Variants in CAST observed in about 807,000 individuals in gnomAD.
The protein encoded by CAST is MIR583 host.
In CAST, 76 loss-of-function variants were observed where a neutral mutation model predicts 119.6. That is an observed-to-expected ratio of 0.64 (90% confidence interval 0.53 to 0.77). The LOEUF (loss-of-function observed/expected upper bound fraction) is 0.77. Among genes scored for constraint, CAST ranks in the 30% least tolerant of loss-of-function variants. The pLI is 0.00. For synonymous variants in CAST, 319 were observed against 331.6 expected, an observed-to-expected ratio of 0.96 and a Z score of 0.41; for missense variants, 953 against 946.5, an observed-to-expected ratio of 1.01 and a Z score of -0.09.
At chr5:96,575,652 T>C (rs539444221) in intron 1 of CAST, among the ~76,000 whole-genome samples, 24 of 152,020 alleles carry the variant, frequency 1.6e-4, no homozygotes, top group Non-Finnish European at 3.2e-4. Context: ...TTTTTTGTTT[T>C]TTTTTTTTAA....
intron 25 of CAST, chr5:96,763,355 T>A: frequency 1.4e-6 from 1 of 708,906 alleles, no homozygotes; most frequent in Non-Finnish European, 2.6e-6. Flanking sequence ...TGTGTGTGTA[T>A]GTGCATGTGC....
chr5:96,523,756 C>T (rs911598868), upstream of CAST, among the ~76,000 whole-genome samples: 3 of 152,220 alleles, frequency 2.0e-5, no homozygotes, highest in African/African-American at 4.8e-5. Flanking sequence ...CTGTTGGAGC[C>T]GTGGGCACTG....
At chr5:96,584,592 T>TA (rs2150190081) in intron 1 of CAST, 1 of 152,228 alleles carries the variant, frequency 6.6e-6, no homozygotes, top group East Asian at 1.9e-4. Context: ...AAGTTGGTGT[T>TA]AGAGGTCTGA....
the CAST span, among the ~76,000 whole-genome samples, chr5:96,185,696 C>G: frequency 2.6e-5 from 4 of 152,104 alleles, no homozygotes; most frequent in Admixed American, 2.6e-4. Context: ...CTATTCTGAT[C>G]AATTGGTCTA....
chr5:96,437,323 T>TA, the CAST span, among the ~76,000 whole-genome samples: 4 of 152,224 alleles, frequency 2.6e-5, no homozygotes, highest in Non-Finnish European at 5.9e-5. Context: ...TTGCTAGAAA[T>TA]AATTGATCTT....
chr5:96,122,058 T>C, the CAST span, among the ~76,000 whole-genome samples: 3 of 152,182 alleles, frequency 2.0e-5, no homozygotes, highest in Admixed American at 6.5e-5. Flanking sequence ...GTGGTATTGA[T>C]TGTAATTTCT....
chr5:96,628,063 T>C (rs1166713782), intron 1 of CAST, among the ~76,000 whole-genome samples: 1 of 152,230 alleles, frequency 6.6e-6, no homozygotes, highest in African/African-American at 2.4e-5. Context: ...GGAAATACAG[T>C]AAATCCTTTT....
chr5:96,031,783 G>A, the CAST span, among the ~76,000 whole-genome samples: 8 of 151,968 alleles, frequency 5.3e-5, no homozygotes, highest in East Asian at 1.9e-4. Flanking sequence ...GTGTGTAACC[G>A]ATTACTACAA....
At chr5:96,179,991 G>A in the CAST span, among the ~76,000 whole-genome samples, 2 of 151,738 alleles carry the variant, frequency 1.3e-5, no homozygotes, top group Non-Finnish European at 2.9e-5. Context: ...AGCTGAGATT[G>A]CAGCCTGGGA....
At chr5:96,746,300 G>T (rs1159109909) in intron 16 of CAST, 42 bp from the exon 17 acceptor site, 1 of 1,067,532 alleles carries the variant, frequency 9.4e-7, no homozygotes, top group Admixed American at 1.7e-5. Context: ...CTCATTATGT[G>T]CATTATCCAA....
chr5:96,222,662 G>A, the CAST span, among the ~76,000 whole-genome samples: 1 of 151,954 alleles, frequency 6.6e-6, no homozygotes, highest in Non-Finnish European at 1.5e-5. Context: ...ACCATTGATG[G>A]GAATGTAAGT....
At chr5:96,323,626 G>A in the CAST span, among the ~76,000 whole-genome samples, 1 of 151,972 alleles carries the variant, frequency 6.6e-6, no homozygotes. Context: ...ATGCTTGTTG[G>A]TATCTAGTCA....
chr5:96,737,697 T>C, intron 10 of CAST, 152 bp from the exon 11 acceptor site: 3 of 523,636 alleles, frequency 5.7e-6, no homozygotes. Context: ...GTAAAGTCTG[T>C]TAAAGACCAG....
At position 96,553,750 on chromosome 5, in the gene CAST, T is replaced by C. The variant is rs920677978; in HGVS notation, c.60+23870T>C. On this transcript the variant is annotated intron_variant, in intron 1 of 11. Coordinates refer to the CAST transcript ENST00000505143. ...TGTGCAAAAATCACAAGCATTCCTA[T>C]ACACCAATAACAGACAAACAGAGAG... Among the ~76,000 whole-genome samples, 10 of 152,200 alleles carry C rather than the reference T, an allele frequency of 6.6e-5. No individual in the cohort carries two copies. The East Asian group carries it at 1.9e-3, about 29-fold the overall frequency.
At chr5:96,071,993 G>C in the CAST span, among the ~76,000 whole-genome samples, 5 of 152,174 alleles carry the variant, frequency 3.3e-5, no homozygotes, top group South Asian at 8.3e-4. Flanking sequence ...CCAATGAAAG[G>C]TTTTAATGCA....
intron 2 of CAST, among the ~76,000 whole-genome samples, chr5:96,694,313 C>G (rs994623243): frequency 6.6e-6 from 1 of 152,094 alleles, no homozygotes; most frequent in Admixed American, 6.6e-5. Flanking sequence ...ACTTTATTGA[C>G]CTTGGAGCAT....
rs34782647 is a variant in CAST at position 96,727,798 on chromosome 5, A to G, written c.378+268A>G. Among the ~76,000 whole-genome samples the G allele has an allele frequency of 0.26, 38,981 of 152,144 alleles. 5,375 individuals carry two copies. The highest frequency in any genetic ancestry group is 0.32 in the Non-Finnish European group (22,028 of 67,978). ...TCAAATCTAGTTTTTTGTTATATGT[A>G]TAGTGATTGCTTTAAAAAAGAAAAA... is the stretch of plus-strand genomic sequence containing the variant. On this transcript the variant is annotated intron_variant, in intron 6 of 31. Coordinates refer to ENST00000675179, the MANE Select transcript of CAST (RefSeq NM_001750.7).
intron 20 of CAST, among the ~76,000 whole-genome samples, chr5:96,752,064 A>G (rs1210589839): frequency 6.6e-6 from 1 of 152,196 alleles, no homozygotes; most frequent in African/African-American, 2.4e-5. Context: ...GAAAGGCATG[A>G]AGATTAGAGA....
At chr5:96,529,170 T>C (rs919544967), upstream of CAST, among the ~76,000 whole-genome samples, 3 of 152,214 alleles carry the variant, frequency 2.0e-5, no homozygotes, top group East Asian at 5.8e-4. Flanking sequence ...AGCTGAGTAT[T>C]TGTGGCTCTT....
Sources: gnomAD v4.1 joint callset for allele counts (sites outside exome capture counted in the v4.1 genomes callset) on GRCh38, gnomAD v4.1.1 for gene constraint, MANE v1.5 for transcripts, NCBI Gene and HGNC (gene_info 2026-07-23, HGNC 2026-07-21) for gene names.